The following MITF variants were observed in gnomAD, a reference collection of about 807,000 sequenced individuals.
The protein encoded by MITF is melanocyte inducing transcription factor.
In MITF, 17 loss-of-function variants were observed where a neutral mutation model predicts 60.5. That is an observed-to-expected ratio of 0.28 (90% CI 0.19 to 0.42). The LOEUF (loss-of-function observed/expected upper bound fraction) is 0.42. Among genes scored for constraint, MITF ranks in the 10% least tolerant of loss-of-function variants. The pLI, the probability that MITF is intolerant of heterozygous loss-of-function variation, is 1.00. For synonymous variants in MITF, 260 were observed against 248.5 expected (o/e 1.05, Z -0.43); for missense variants, 622 against 683.5 (o/e 0.91, Z 1.00).
At chr3:69,911,277 C>T (rs1278440227) in intron 2 of MITF, among the ~76,000 whole-genome samples, 1 of 152,140 alleles carries the variant, frequency 6.6e-6, no homozygotes, top group Non-Finnish European at 1.5e-5. Context: ...TTTTTCTTCC[C>T]AATCTCAGGT....
chr3:69,764,888 T>G (rs921027133), intron 1 of MITF, among the ~76,000 whole-genome samples: 1 of 152,222 alleles, frequency 6.6e-6, no homozygotes, highest in Non-Finnish European at 1.5e-5. Flanking sequence ...CTCTACACAT[T>G]AATTTTTCTG....
At chr3:69,809,416 C>A (rs541226139) in intron 1 of MITF, among the ~76,000 whole-genome samples, 5 of 152,122 alleles carry the variant, frequency 3.3e-5, no homozygotes, top group African/African-American at 1.2e-4. Flanking sequence ...TAAATAATAC[C>A]CTGGTGCCTT....
intron 1 of MITF, among the ~76,000 whole-genome samples, chr3:69,859,350 C>A (rs1392687083): frequency 2.0e-5 from 3 of 152,198 alleles, no homozygotes; most frequent in Non-Finnish European, 4.4e-5. Context: ...TGTCTCTCTA[C>A]CTTCTGCTCA....
chr3:69,946,373 G>A (rs948683163), intron 5 of MITF, among the ~76,000 whole-genome samples: 6 of 152,074 alleles, frequency 3.9e-5, no homozygotes, highest in Admixed American at 2.0e-4. Context: ...ATTTCCTCAG[G>A]TCTAATTGGA....
At chr3:69,856,655 C>T (rs2063923957) in intron 1 of MITF, among the ~76,000 whole-genome samples, 1 of 152,164 alleles carries the variant, frequency 6.6e-6, no homozygotes, top group Non-Finnish European at 1.5e-5. Context: ...CTATCATTCT[C>T]CCCCAAATTT....
intron 1 of MITF, among the ~76,000 whole-genome samples, chr3:69,794,333 G>A (rs1434182387): frequency 3.9e-5 from 6 of 152,182 alleles, no homozygotes; most frequent in African/African-American, 1.4e-4. Context: ...TGGGCATCAG[G>A]CCCTTCATCA....
intron 1 of MITF, among the ~76,000 whole-genome samples, chr3:69,869,268 T>C (rs1371899597): frequency 3.9e-5 from 6 of 152,184 alleles, no homozygotes; most frequent in African/African-American, 1.4e-4. Context: ...CTGGAGCAGA[T>C]TGGACCAGGT....
intron 1 of MITF, among the ~76,000 whole-genome samples, chr3:69,855,268 A>G (rs1444399165): frequency 6.6e-6 from 1 of 151,548 alleles, no homozygotes; most frequent in Non-Finnish European, 1.5e-5. Flanking sequence ...AGCAAAAAAA[A>G]AAAAAAAAAA....
intron 1 of MITF, among the ~76,000 whole-genome samples, chr3:69,759,931 C>T (rs988627168): frequency 6.6e-6 from 1 of 152,180 alleles, no homozygotes; most frequent in African/African-American, 2.4e-5. Context: ...GCACCCGCCA[C>T]CACACCTGGC....
chr3:69,901,815 C>T (rs1477060219), intron 2 of MITF, among the ~76,000 whole-genome samples: 1 of 152,206 alleles, frequency 6.6e-6, no homozygotes, highest in Non-Finnish European at 1.5e-5. Context: ...GTGTGCTGAG[C>T]ATGGCCTCCC....
intron 1 of MITF, among the ~76,000 whole-genome samples, chr3:69,744,553 G>A (rs1364818394): frequency 1.3e-5 from 2 of 152,190 alleles, no homozygotes; most frequent in Non-Finnish European, 2.9e-5. Flanking sequence ...AAAAGTATTA[G>A]CATGGCACCT....
intron 1 of MITF, among the ~76,000 whole-genome samples, chr3:69,772,411 G>A (rs1381611751): frequency 6.6e-6 from 1 of 152,192 alleles, no homozygotes; most frequent in East Asian, 1.9e-4. Context: ...TTGGAGTCTA[G>A]TCTCTTTTTT....
At chr3:69,902,523 G>A (rs370760746) in intron 2 of MITF, among the ~76,000 whole-genome samples, 20 of 152,280 alleles carry the variant, frequency 1.3e-4, no homozygotes, top group African/African-American at 4.8e-4. Context: ...TGTCCAGTGG[G>A]TTTGCATGGA....
chr3:69,775,782 G>A (rs1337825110), intron 1 of MITF, among the ~76,000 whole-genome samples: 1 of 152,086 alleles, frequency 6.6e-6, no homozygotes, highest in Non-Finnish European at 1.5e-5. Context: ...AAAACTGACT[G>A]GGACTCTTTG....
chr3:69,944,998 A>C (rs150851420), intron 5 of MITF, among the ~76,000 whole-genome samples: 2 of 152,266 alleles, frequency 1.3e-5, no homozygotes, highest in African/African-American at 4.8e-5. Flanking sequence ...TTAGGAAAAA[A>C]TAAAGTGGAA....
At chr3:69,822,907 T>G (rs571398822) in intron 1 of MITF, among the ~76,000 whole-genome samples, 33 of 152,104 alleles carry the variant, frequency 2.2e-4, no homozygotes, top group African/African-American at 7.0e-4. Flanking sequence ...GTGTTTGTTT[T>G]TTTTTTTTTC....
chr3:69,745,356 T>C (rs1238813427), intron 1 of MITF, among the ~76,000 whole-genome samples: 1 of 152,022 alleles, frequency 6.6e-6, no homozygotes, highest in Admixed American at 6.5e-5. Flanking sequence ...CCTCCCTGTG[T>C]GGTGAGGGAA....
chr3:69,797,011 C>G (rs1336621499), intron 1 of MITF, among the ~76,000 whole-genome samples: 1 of 152,160 alleles, frequency 6.6e-6, no homozygotes, highest in African/African-American at 2.4e-5. Flanking sequence ...TTTTCTGACT[C>G]TAACATAAGC....
At chr3:69,953,160 G>C (rs1021341045) in intron 7 of MITF, among the ~76,000 whole-genome samples, 2 of 152,068 alleles carry the variant, frequency 1.3e-5, no homozygotes, top group Admixed American at 1.3e-4. Flanking sequence ...TTTTAACCAA[G>C]AGATAAACTA....
Sources: allele counts gnomAD v4.1 joint callset (sites outside exome capture counted in the v4.1 genomes callset), GRCh38; gene constraint gnomAD v4.1.1; transcripts MANE v1.5; gene names NCBI Gene and HGNC (gene_info 2026-07-23, HGNC 2026-07-21).